The following TANK variants were observed in gnomAD, a reference collection of about 807,000 sequenced individuals.
The protein encoded by TANK is TRAF family member-associated NF-kappa-B activator.
A neutral mutation model predicts 43.6 loss-of-function variants in TANK; 15 were observed. The observed-to-expected ratio is 0.34, with a 90% CI of 0.23 to 0.53. The LOEUF is 0.53. Among genes scored for constraint, TANK ranks in the 20% least tolerant of loss-of-function variants. The pLI, the probability that TANK is intolerant of heterozygous loss-of-function variation, is 0.94. For missense variants in TANK, 417 were observed against 498.6 expected, an observed-to-expected ratio of 0.84 and a Z score of 1.56; for synonymous variants, 162 against 178.2, an observed-to-expected ratio of 0.91 and a Z score of 0.73.
chr2:161,235,451 C>T lies in TANK; in HGVS notation c.1211C>T (p.Pro404Leu), dbSNP rs1688134158. Residue 404 changes from proline to leucine, a missense_variant, in exon 8 of 8, where the codon CCA becomes CTA. Coordinates refer to ENST00000392749, the MANE Select transcript of TANK (RefSeq NM_001199135.3). ...TGTGAATTCTGTCAAGCAGTTTTCC[C>T]ACCATCCATTACATCCAGGGGGGAT... is the stretch of plus-strand genomic sequence containing the variant. The part of the protein sequence containing the change: ...RVCEFCQAVF[P>L]PSITSRGDFL... The T allele has an allele frequency of 6.2e-7, 1 of 1,613,880 alleles. No individual in the cohort carries two copies.
intron 6 of TANK, among the ~76,000 whole-genome samples, chr2:161,228,761 T>C (rs1236584773): frequency 6.6e-6 from 1 of 152,226 alleles, no homozygotes; most frequent in Non-Finnish European, 1.5e-5. Context: ...CGGTAAGTGC[T>C]CTATACAGGC....
At chr2:161,183,525 A>G (rs745816702) in intron 2 of TANK, among the ~76,000 whole-genome samples, 5 of 152,136 alleles carry the variant, frequency 3.3e-5, no homozygotes, top group Non-Finnish European at 7.4e-5. Context: ...GTTAACTCCT[A>G]TATTTTTTGC....
intron 7 of TANK, among the ~76,000 whole-genome samples, chr2:161,233,218 T>C (rs1688007853): frequency 6.6e-6 from 1 of 152,038 alleles, no homozygotes; most frequent in Non-Finnish European, 1.5e-5. Flanking sequence ...ACCTTGTCTC[T>C]ACAAATACGT....
intron 2 of TANK, among the ~76,000 whole-genome samples, chr2:161,185,511 T>A (rs182889260): frequency 6.7e-6 from 1 of 150,362 alleles, no homozygotes; most frequent in African/African-American, 2.4e-5. Flanking sequence ...TTTGGATGAA[T>A]GAAACAATGT....
At chr2:161,161,074 A>T (rs1331237511) in intron 1 of TANK, 16 of 811,806 alleles carry the variant, frequency 2.0e-5, no homozygotes, top group Non-Finnish European at 2.6e-5. Flanking sequence ...ACAGAAGCCA[A>T]CCCCGCCCAC....
intron 4 of TANK, among the ~76,000 whole-genome samples, chr2:161,211,075 GAGA>G (rs1462233425): frequency 6.6e-6 from 1 of 152,162 alleles, no homozygotes; most frequent in Non-Finnish European, 1.5e-5. Flanking sequence ...GGCTTCAGAG[GAGA>G]AAGTGCTTTC....
At chr2:161,161,375 C>T in intron 1 of TANK, 1 of 1,550,764 alleles carries the variant, frequency 6.4e-7, no homozygotes, top group Non-Finnish European at 8.7e-7. Context: ...AAATGACCTG[C>T]CTTCTTACCG....
rs545892155 is a variant in TANK at position 161,160,602 on chromosome 2, G to A, written c.-50+116G>A. The A allele has an allele frequency of 1.0e-5, 9 of 874,324 alleles. No individual in the cohort carries two copies. The East Asian group carries it at 2.4e-4, about 23-fold the overall frequency. The allele number at this position is 874,324 out of a possible 1,614,324, so 54.2% of individuals were successfully genotyped here. ...CAGTAGGGGCGCCGCAGGGAGAGAAGCCGAGGAGCAGCGGAGACAACCAAT... is the reference window on the plus strand; with the variant it reads ...CAGTAGGGGCGCCGCAGGGAGAGAAACCGAGGAGCAGCGGAGACAACCAAT... On this transcript the variant is annotated intron_variant, in intron 1 of 7. Coordinates refer to ENST00000392749, the MANE Select transcript of TANK (RefSeq NM_001199135.3).
At chr2:161,186,738 A>G (rs183127928) in intron 2 of TANK, among the ~76,000 whole-genome samples, 2 of 152,358 alleles carry the variant, frequency 1.3e-5, no homozygotes, top group Admixed American at 1.3e-4. Flanking sequence ...CAAAGTACAG[A>G]GACAACCTAC....
rs746233208 is a variant in TANK, at chr2:161,179,638, T to C, written c.-25T>C. On this transcript the variant is annotated 5_prime_UTR_variant, in exon 2 of 8. Coordinates refer to ENST00000392749, the MANE Select transcript of TANK (RefSeq NM_001199135.3). The stretch of plus-strand genomic sequence containing the variant: ...GACCTGTCATTTACTCCATCCTTTA[T>C]AGTGATGCTACAGGACGAAGAGGAA... The C allele has an allele frequency of 1.6e-5, 25 of 1,612,110 alleles. No homozygotes were observed. The South Asian group carries it at 2.6e-4, about 17-fold the overall frequency.
rs572885910 is a variant in TANK at position 161,209,574 on chromosome 2, A to G, written c.327+4781A>G. Among the ~76,000 whole-genome samples, 7 of 152,316 alleles carry G rather than the reference A, an allele frequency of 4.6e-5. No homozygotes were observed. In the South Asian group the frequency reaches 1.5e-3, roughly 32 times the overall value. ...TTCTGGGAAATAGTTTGGTTGCCAA[A>G]CTAAATACTATCTTGAGTGTCTAGG... is the stretch of plus-strand genomic sequence containing the variant. On this transcript the variant is annotated intron_variant, in intron 4 of 7. Coordinates refer to ENST00000392749, the MANE Select transcript of TANK (RefSeq NM_001199135.3).
In TANK at chr2:161,190,661, G is replaced by A. The variant is rs574129570; in HGVS notation, c.99+10900G>A. 1.2e-4 allele frequency among the ~76,000 whole-genome samples: 19 copies of A among 152,330 alleles called. No homozygotes were observed. In the South Asian group the frequency reaches 3.3e-3, roughly 27 times the overall value. ...AAAATTGTACACGTGCTACAGAGTA[G>A]AACCTTGGAGATGTTATGCTAAGTT... On this transcript the variant is annotated intron_variant, in intron 2 of 7. Transcript: ENST00000392749.
At chr2:161,204,413 C>G (rs1430695540) in intron 3 of TANK, among the ~76,000 whole-genome samples, 2 of 152,108 alleles carry the variant, frequency 1.3e-5, no homozygotes, top group Non-Finnish European at 2.9e-5. Flanking sequence ...ATGCAAAGAG[C>G]ATATTTCTAG....
At chr2:161,213,852 A>G (rs1174333196) in intron 4 of TANK, among the ~76,000 whole-genome samples, 1 of 152,168 alleles carries the variant, frequency 6.6e-6, no homozygotes, top group Admixed American at 6.5e-5. Context: ...GTTAGCTGCA[A>G]TATGGAATCT....
chr2:161,179,974 T>G, intron 2 of TANK: 2 of 1,240,040 alleles, frequency 1.6e-6, no homozygotes, highest in Non-Finnish European at 2.0e-6. Context: ...TTTGATGGGC[T>G]CCTTTTCAGG....
intron 6 of TANK, among the ~76,000 whole-genome samples, chr2:161,226,154 T>C (rs1687606115): frequency 6.6e-6 from 1 of 152,190 alleles, no homozygotes; most frequent in African/African-American, 2.4e-5. Context: ...ATATTCTTTG[T>C]TACACAGAAA....
At chr2:161,190,945 C>G (rs1685888142) in intron 2 of TANK, among the ~76,000 whole-genome samples, 1 of 152,036 alleles carries the variant, frequency 6.6e-6, no homozygotes, top group African/African-American at 2.4e-5. Context: ...TTTAAAAACT[C>G]TATTACAAAA....
upstream of TANK, chr2:161,156,357 T>C: frequency 3.0e-6 from 3 of 985,446 alleles, no homozygotes; most frequent in South Asian, 4.7e-5. Context: ...ACTTAACTTA[T>C]CCAACTTTGG....
chr2:161,180,157 T>C (rs1344531253), intron 2 of TANK: 6 of 906,248 alleles, frequency 6.6e-6, no homozygotes, highest in Non-Finnish European at 8.0e-6. Context: ...GGAAAACTTT[T>C]CAAATCTTAA....
Sources: allele counts gnomAD v4.1 joint callset (sites outside exome capture counted in the v4.1 genomes callset), GRCh38; gene constraint gnomAD v4.1.1; transcripts MANE v1.5; gene names NCBI Gene and HGNC (gene_info 2026-07-23, HGNC 2026-07-21).